SLIT3: variants seen among roughly 807,000 people sequenced by gnomAD.
The protein encoded by SLIT3 is slit homolog 3 protein.
In SLIT3, 68 loss-of-function variants were observed where a neutral mutation model predicts 184.0. The ratio of observed to expected loss-of-function variants is 0.37; its 90% CI spans 0.30 to 0.45. The LOEUF is 0.45. Ranked by LOEUF, SLIT3 falls within the 20% of genes least tolerant of loss-of-function variation. The pLI, the probability that SLIT3 is intolerant of heterozygous loss-of-function variation, is 1.00. For missense variants in SLIT3, 1,707 were observed against 2,026.0 expected, an observed-to-expected ratio of 0.84 and a Z score of 3.02; for synonymous variants, 831 against 828.6, an observed-to-expected ratio of 1.00 and a Z score of -0.05.
intron 4 of SLIT3, among the ~76,000 whole-genome samples, chr5:169,046,003 T>A (rs1757610607): frequency 6.6e-6 from 1 of 152,172 alleles, no homozygotes; most frequent in African/African-American, 2.4e-5. Context: ...ACATATTGAA[T>A]TAATGATTGA....
intron 6 of SLIT3, among the ~76,000 whole-genome samples, chr5:168,837,665 G>A (rs1758098222): frequency 6.6e-6 from 1 of 152,112 alleles, no homozygotes; most frequent in South Asian, 2.1e-4. Context: ...TACTTTAACC[G>A]GCCACTTAGT....
intron 3 of SLIT3, among the ~76,000 whole-genome samples, chr5:169,231,821 A>C (rs1041286493): frequency 6.6e-6 from 1 of 152,170 alleles, no homozygotes; most frequent in Non-Finnish European, 1.5e-5. Flanking sequence ...TCACCTCATC[A>C]CCAACACTTG....
intron 7 of SLIT3, 129 bp from the exon 8 acceptor site, chr5:168,817,592 A>T: frequency 1.2e-6 from 1 of 834,610 alleles, no homozygotes; most frequent in Non-Finnish European, 1.9e-6. Context: ...GAGCCCAGGG[A>T]AGCAATTCCC....
intron 4 of SLIT3, among the ~76,000 whole-genome samples, chr5:168,900,569 T>C (rs1760830165): frequency 6.6e-6 from 1 of 151,982 alleles, no homozygotes; most frequent in Admixed American, 6.6e-5. Context: ...GAGCCTAGAT[T>C]GTGCCATTGC....
chr5:168,748,337 G>A lies in SLIT3; in HGVS notation c.2235C>T (p.Ala745=). 6.7e-7 allele frequency: 1 copy of A among 1,491,736 alleles called. No individual in the cohort carries two copies. The highest frequency in any genetic ancestry group is 8.9e-7 in the Non-Finnish European group (1 of 1,126,516). The allele number at this position is 1,491,736 out of a possible 1,614,324, so 92.4% of individuals were successfully genotyped here. Residue 745 remains alanine (A), a synonymous_variant, in exon 20 of 36, where the codon GCC becomes GCT. Transcript: ENST00000519560. The stretch of plus-strand genomic sequence containing the variant: ...CATCCTTGGGCATGCCTCTGGGGAG[G>A]GCGCGGAGCCCCTTGTTGCTGCATC... ...VVRCSNKGLR[A]LPRGMPKDVT...
At position 168,785,943 on chromosome 5, in the gene SLIT3, T is replaced by C. The variant is rs2113575855; in HGVS notation, c.1115A>G (p.Lys372Arg). 6.2e-7 allele frequency: 1 copy of C among 1,612,432 alleles called. No homozygotes were observed. Among genetic ancestry groups the C allele is most frequent in the Non-Finnish European group, 8.5e-7 (1 of 1,179,068 alleles). ...LYGNKITEIV[K>R]GLFDGLVSLQ... ...GGACACCAGCCCATCAAACAGTCCC[T>C]TGACAATCTCGGTGATCTTGTTCCC... The change falls in exon 12 of 36, where the codon AAG (lysine) becomes AGG (arginine). Residue 372 changes from lysine to arginine, a missense_variant. Physicochemically the swap from Lys to Arg is conservative, Grantham distance 26. Coordinates refer to ENST00000519560, the MANE Select transcript of SLIT3 (RefSeq NM_003062.4).
At chr5:169,273,833 G>C (rs1354259324) in intron 1 of SLIT3, among the ~76,000 whole-genome samples, 1 of 152,088 alleles carries the variant, frequency 6.6e-6, no homozygotes, top group Non-Finnish European at 1.5e-5. Flanking sequence ...TGAAATTCCT[G>C]ACCCCAAGGA....
chr5:168,686,032 G>T, intron 30 of SLIT3, 105 bp from the exon 31 acceptor site: 2 of 1,296,224 alleles, frequency 1.5e-6, no homozygotes, highest in Non-Finnish European at 1.0e-6. Context: ...AGAGTGAGAT[G>T]GGAAATGACA....
intron 4 of SLIT3, among the ~76,000 whole-genome samples, chr5:169,035,210 G>A (rs551585258): frequency 1.5e-4 from 23 of 152,160 alleles, no homozygotes; most frequent in Admixed American, 1.4e-3. Context: ...TGGCCATAGT[G>A]GAGACAATCA....
chr5:169,230,265 C>T (rs1470678629), intron 3 of SLIT3, among the ~76,000 whole-genome samples: 1 of 152,170 alleles, frequency 6.6e-6, no homozygotes, highest in African/African-American at 2.4e-5. Context: ...AATCTCATGA[C>T]TGGTAAGTGA....
At chr5:168,994,993 A>G (rs1392468563) in intron 4 of SLIT3, among the ~76,000 whole-genome samples, 1 of 152,130 alleles carries the variant, frequency 6.6e-6, no homozygotes, top group East Asian at 1.9e-4. Context: ...CAACAAGCCT[A>G]TGAAGTTAGG....
At chr5:169,039,659 C>T (rs1241417481) in intron 4 of SLIT3, among the ~76,000 whole-genome samples, 1 of 152,156 alleles carries the variant, frequency 6.6e-6, no homozygotes, top group Non-Finnish European at 1.5e-5. Flanking sequence ...ACAATATACC[C>T]TTTCCTTCCA....
intron 4 of SLIT3, among the ~76,000 whole-genome samples, chr5:169,016,141 G>C (rs1460516120): frequency 6.6e-6 from 1 of 152,158 alleles, no homozygotes; most frequent in Non-Finnish European, 1.5e-5. Flanking sequence ...ACAAAGTTTT[G>C]AGTAGCTATT....
intron 1 of SLIT3, among the ~76,000 whole-genome samples, chr5:169,277,572 C>A (rs1221687310): frequency 6.6e-6 from 1 of 152,226 alleles, no homozygotes; most frequent in Non-Finnish European, 1.5e-5. Context: ...CATGTTGTTG[C>A]ATGTATCAGA....
At chr5:169,090,953 A>G (rs902256293) in intron 4 of SLIT3, among the ~76,000 whole-genome samples, 8 of 152,178 alleles carry the variant, frequency 5.3e-5, no homozygotes, top group African/African-American at 9.7e-5. Context: ...TCGTATTCCC[A>G]AAACAGCATC....
intron 4 of SLIT3, among the ~76,000 whole-genome samples, chr5:169,164,209 C>T (rs1209330106): frequency 1.3e-5 from 2 of 152,190 alleles, no homozygotes; most frequent in Non-Finnish European, 2.9e-5. Context: ...CTCTAAGTAC[C>T]ATCCTCGGAC....
Position 168,762,624 on chromosome 5 carries a change from A to C in SLIT3, c.1525T>G (p.Cys509Gly). The C allele has an allele frequency of 6.2e-7, 1 of 1,613,904 alleles. No homozygotes were observed. The highest frequency in any genetic ancestry group is 8.5e-7 in the Non-Finnish European group (1 of 1,179,966). ...CFMDLVCPEKCRCEGTIVDCS... is the reference protein window; with the variant it reads ...CFMDLVCPEKGRCEGTIVDCS... ...TCCACAATCGTGCCCTCACAGCGAC[A>C]CTTCTCGGGGCACACGAGGTCCATG... Residue 509 changes from cysteine (C) to glycine (G), a missense_variant, in exon 15 of 36, where the codon TGT (cysteine) becomes GGT (glycine). Coordinates refer to ENST00000519560, the MANE Select transcript of SLIT3 (RefSeq NM_003062.4).
chr5:169,126,568 C>T (rs906313388), intron 4 of SLIT3, among the ~76,000 whole-genome samples: 1 of 152,220 alleles, frequency 6.6e-6, no homozygotes, highest in Non-Finnish European at 1.5e-5. Context: ...TCTCAAATGA[C>T]ATCATGGTTG....
chr5:168,984,667 G>A (rs1468244759), intron 4 of SLIT3, among the ~76,000 whole-genome samples: 1 of 152,110 alleles, frequency 6.6e-6, no homozygotes, highest in East Asian at 1.9e-4. Context: ...CAAGGAGAAG[G>A]GCCCCTTTTA....
Sources: gnomAD v4.1 joint callset for allele counts (sites outside exome capture counted in the v4.1 genomes callset) on GRCh38, gnomAD v4.1.1 for gene constraint, MANE v1.5 for transcripts, NCBI Gene and HGNC (gene_info 2026-07-23, HGNC 2026-07-21) for gene names.